Variants in AHI1 observed in about 807,000 individuals in gnomAD.
AHI1 encodes Abelson helper integration site 1, also known as jouberin.
In AHI1, 123 loss-of-function variants were observed where a neutral mutation model predicts 149.3. The observed-to-expected ratio is 0.82, with a 90% CI of 0.71 to 0.96. The LOEUF (loss-of-function observed/expected upper bound fraction) is 0.96, where lower values mean the gene tolerates loss of function less well. AHI1 is among the 40% of genes least tolerant of loss of function. AHI1 has a pLI of 0.00. For missense variants in AHI1, 1,439 were observed against 1,422.7 expected (o/e 1.01, Z -0.18); for synonymous variants, 475 against 459.8 (o/e 1.03, Z -0.42).
intron 24 of AHI1, among the ~76,000 whole-genome samples, chr6:135,343,728 TCA>T (rs1790731637): frequency 6.6e-6 from 1 of 151,068 alleles, no homozygotes; most frequent in Non-Finnish European, 1.5e-5. Flanking sequence ...GATCCTTAAC[TCA>T]CACCATCTAC....
intron 8 of AHI1, among the ~76,000 whole-genome samples, chr6:135,458,497 C>T (rs972509727): frequency 2.6e-5 from 4 of 152,022 alleles, no homozygotes; most frequent in African/African-American, 9.7e-5. Context: ...CCATGATCTG[C>T]CAGGGGAAGG....
chr6:135,369,184 T>TGG (rs2128453582), intron 23 of AHI1, among the ~76,000 whole-genome samples: 1 of 152,354 alleles, frequency 6.6e-6, no homozygotes, highest in East Asian at 1.9e-4. Flanking sequence ...TCTGGTGATC[T>TGG]GGACCTTCAG....
At chr6:135,409,222 A>T (rs1444360880) in intron 21 of AHI1, among the ~76,000 whole-genome samples, 1 of 152,152 alleles carries the variant, frequency 6.6e-6, no homozygotes, top group East Asian at 1.9e-4. Flanking sequence ...TTTGTTGCAC[A>T]TATATGTGTG....
chr6:135,358,108 C>A, intron 24 of AHI1, 24 bp downstream of exon 24: 1 of 1,605,432 alleles, frequency 6.2e-7, no homozygotes, highest in Non-Finnish European at 8.5e-7. Context: ...ACACTTTTAA[C>A]AACGTAGCAA....
intron 5 of AHI1, among the ~76,000 whole-genome samples, chr6:135,482,331 T>G (rs1232405464): frequency 6.6e-6 from 1 of 152,230 alleles, no homozygotes; most frequent in Non-Finnish European, 1.5e-5. Context: ...GTCTAGTGTT[T>G]ACCAACTTCC....
intron 22 of AHI1, among the ~76,000 whole-genome samples, chr6:135,399,212 C>T (rs1779680683): frequency 6.6e-6 from 1 of 152,138 alleles, no homozygotes; most frequent in South Asian, 2.1e-4. Flanking sequence ...CGAATTCCTA[C>T]TGGCTATTTC....
At chr6:135,306,204 TG>T (rs1425471437) in intron 26 of AHI1, among the ~76,000 whole-genome samples, 1 of 152,178 alleles carries the variant, frequency 6.6e-6, no homozygotes, top group African/African-American at 2.4e-5. Flanking sequence ...ATGCCAATGC[TG>T]GTAGGTGAGT....
rs201739517 is a variant in AHI1, at chr6:135,324,344, G to GA, written c.3166-1021dup. On this transcript the variant is annotated intron_variant, in intron 24 of 28. Coordinates refer to ENST00000265602, the MANE Select transcript of AHI1 (RefSeq NM_001134831.2). The stretch of plus-strand genomic sequence containing the variant: ...CCTTGTCTCTAAAAAAAAAGAAGAA[G>GA]AAAAAAATCCCTTATAGTAGTTAAA... Among the ~76,000 whole-genome samples the GA allele has an allele frequency of 6.1e-3, 923 of 151,282 alleles. 8 individuals are homozygous for GA. The highest frequency in any genetic ancestry group is 0.021 in the African/African-American group (845 of 41,210).
chr6:135,294,509 A>G (rs1259180758), intron 27 of AHI1, among the ~76,000 whole-genome samples: 2 of 151,900 alleles, frequency 1.3e-5, no homozygotes, highest in Non-Finnish European at 2.9e-5. Context: ...ATTCTGCCTC[A>G]AAACAAACAA....
chr6:135,316,954 T>C lies in AHI1; in HGVS notation c.3426+1565A>G, dbSNP rs531616440. Among the ~76,000 whole-genome samples, 12 of 152,298 alleles carry C rather than the reference T, an allele frequency of 7.9e-5. 1 individual carries two copies. The highest frequency in any genetic ancestry group is 1.9e-4 in the East Asian group (1 of 5,180). On this transcript the variant is annotated intron_variant, in intron 26 of 28. Transcript: ENST00000265602. ...TTTCCCTGTCTTCCCAAATCTTTCTTATTTATTTCATTACTTCTATGGCAC... is the reference window on the plus strand; with the variant it reads ...TTTCCCTGTCTTCCCAAATCTTTCTCATTTATTTCATTACTTCTATGGCAC...
At chr6:135,413,275 A>G (rs920352233) in intron 20 of AHI1, among the ~76,000 whole-genome samples, 1 of 152,182 alleles carries the variant, frequency 6.6e-6, no homozygotes, top group African/African-American at 2.4e-5. Context: ...CGAGGCTGCC[A>G]CTGCATTCCA....
At position 135,311,178 on chromosome 6, in the gene AHI1, T is replaced by C. The variant is rs376889420; in HGVS notation, c.3426+7341A>G. On this transcript the variant is annotated intron_variant, in intron 26 of 28. Coordinates refer to ENST00000265602, the MANE Select transcript of AHI1 (RefSeq NM_001134831.2). ...TTAGCAGGGCATGGTGGCCCACATC[T>C]GTAGTCCAAGCCACTCGGGAGACTG... 9.5e-4 allele frequency among the ~76,000 whole-genome samples: 145 copies of C among 151,868 alleles called. 1 individual carries two copies. Among genetic ancestry groups the C allele is most frequent in the African/African-American group, 3.1e-3 (129 of 41,380 alleles).
chr6:135,438,068 G>GA (rs962596155), intron 15 of AHI1, among the ~76,000 whole-genome samples: 6 of 152,054 alleles, frequency 3.9e-5, no homozygotes, highest in African/African-American at 1.4e-4. Context: ...TATGCTCTAG[G>GA]AAAAAATCTC....
intron 14 of AHI1, among the ~76,000 whole-genome samples, chr6:135,441,259 A>C (rs909989101): frequency 6.6e-6 from 1 of 152,184 alleles, no homozygotes; most frequent in African/African-American, 2.4e-5. Context: ...ATTTGACAAC[A>C]GGTCAACTGA....
intron 23 of AHI1, among the ~76,000 whole-genome samples, chr6:135,386,273 T>C (rs1040745393): frequency 2.0e-5 from 3 of 151,976 alleles, no homozygotes; most frequent in African/African-American, 7.2e-5. Context: ...GCACCTTTTC[T>C]TCCATTTTGA....
At chr6:135,428,007 AC>A (rs1784141246) in intron 19 of AHI1, among the ~76,000 whole-genome samples, 1 of 151,626 alleles carries the variant, frequency 6.6e-6, no homozygotes, top group Non-Finnish European at 1.5e-5. Flanking sequence ...TAAAAAAAAA[AC>A]AAGGAAAAAA....
intron 24 of AHI1, among the ~76,000 whole-genome samples, chr6:135,351,390 A>T (rs1350251807): frequency 1.3e-5 from 2 of 152,330 alleles, no homozygotes; most frequent in African/African-American, 4.8e-5. Flanking sequence ...GTGAGGTCCT[A>T]TTTGCATAAA....
At position 135,283,533 on chromosome 6, in the gene AHI1, T is replaced by C. The variant is rs1249320936; in HGVS notation, c.*2112A>G. 2 of 152,102 alleles carry C rather than the reference T, an allele frequency of 1.3e-5. No homozygotes were observed. The highest frequency in any genetic ancestry group is 2.9e-5 in the Non-Finnish European group (2 of 68,022). The allele number at this position is 152,102 out of a possible 1,614,324, so 9.4% of individuals were successfully genotyped here. ...AGAATAAAGATAAAACAAACCCAAT[T>C]TGTTATAAGGAAATGTTTAATGCCG... is the stretch of plus-strand genomic sequence containing the variant. On this transcript the variant is annotated 3_prime_UTR_variant, in exon 29 of 29. Coordinates refer to ENST00000265602, the MANE Select transcript of AHI1 (RefSeq NM_001134831.2).
At chr6:135,428,027 TGTTC>T (rs1784144918) in intron 19 of AHI1, among the ~76,000 whole-genome samples, 1 of 151,522 alleles carries the variant, frequency 6.6e-6, no homozygotes, top group African/African-American at 2.4e-5. Flanking sequence ...AATCAAATAC[TGTTC>T]ATTAAAGAAA....
Sources: allele counts gnomAD v4.1 joint callset (sites outside exome capture counted in the v4.1 genomes callset), GRCh38; gene constraint gnomAD v4.1.1; transcripts MANE v1.5; gene names NCBI Gene and HGNC (gene_info 2026-07-23, HGNC 2026-07-21).